The following TMEM177 variants were observed in gnomAD, a reference collection of about 807,000 sequenced individuals.
The protein encoded by TMEM177 is transmembrane protein 177.
In TMEM177, 4 loss-of-function variants were observed where a neutral mutation model predicts 14.2. The ratio of observed to expected loss-of-function variants is 0.28; its 90% confidence interval spans 0.14 to 0.64. The LOEUF is 0.64. Among genes scored for constraint, TMEM177 ranks in the 30% least tolerant of loss-of-function variants. The probability of loss-of-function intolerance (pLI) is 0.82; values close to 1 mark genes in which losing one functional copy is unlikely to be tolerated. For missense variants in TMEM177, 344 were observed against 405.2 expected, an observed-to-expected ratio of 0.85 and a Z score of 1.30; for synonymous variants, 179 against 174.5, an observed-to-expected ratio of 1.03 and a Z score of -0.20.
chr2:119,694,685 A>G, the TMEM177 span, among the ~76,000 whole-genome samples: 1 of 152,252 alleles, frequency 6.6e-6, no homozygotes. Flanking sequence ...AGCATTTGAG[A>G]GCCAAGGTGC....
At chr2:119,694,906 GCTCA>G in the TMEM177 span, among the ~76,000 whole-genome samples, 1 of 152,160 alleles carries the variant, frequency 6.6e-6, no homozygotes, top group East Asian at 1.9e-4. Context: ...CACCACAAGG[GCTCA>G]CTCACTCTAT....
chr2:119,711,018 C>A, the TMEM177 span, among the ~76,000 whole-genome samples: 7 of 152,154 alleles, frequency 4.6e-5, no homozygotes, highest in African/African-American at 1.7e-4. Context: ...CCATTGCACT[C>A]CCTCCTCTTC....
chr2:119,681,887 C>T lies in TMEM177; in HGVS notation c.*98C>T, dbSNP rs570109791. On this transcript the variant is annotated 3_prime_UTR_variant, in exon 2 of 2. Transcript: ENST00000272521. ...AGCCTTTGGACCTATAGCTCACGGC[C>T]AGAAAAATCACTGGCTTTGGAATTA... 42 of 1,077,714 alleles carry T rather than the reference C, an allele frequency of 3.9e-5. No homozygotes were observed. In the African/African-American group the frequency reaches 6.2e-4, roughly 16 times the overall value. The allele number at this position is 1,077,714 out of a possible 1,614,324, so 66.8% of individuals were successfully genotyped here.
In TMEM177 at chr2:119,681,385, G is replaced by A. The variant is rs934510616; in HGVS notation, c.532G>A (p.Ala178Thr). The A allele has an allele frequency of 1.2e-6, 2 of 1,613,422 alleles. No homozygotes were observed. The highest frequency in any genetic ancestry group is 1.3e-5 in the African/African-American group (1 of 74,948). The change falls in exon 2 of 2, where the codon GCA becomes ACA. Residue 178 changes from alanine to threonine, a missense_variant. Transcript: ENST00000272521. The part of the protein sequence containing the change: ...VHALLAPACL[A>T]GTWALGVGAK... ...CGCCCTGCTGGCCCCAGCTTGCCTG[G>A]CAGGGACCTGGGCACTGGGCGTGGG...
chr2:119,681,053 A>C lies in TMEM177; in HGVS notation c.200A>C (p.Glu67Ala), dbSNP rs1270620872. ...LPPQLQSLFQ[E>A]VLQDIGVPSG... ...CCACAGCTGCAGAGCCTCTTCCAAG[A>C]GGTGCTACAGGACATAGGTGTTCCT... Residue 67 changes from glutamate to alanine, a missense_variant, in exon 2 of 2, where the codon GAG (glutamate) becomes GCG (alanine). Transcript: ENST00000272521. 6.2e-7 allele frequency: 1 copy of C among 1,614,174 alleles called. No homozygotes were observed. The highest frequency in any genetic ancestry group is 8.5e-7 in the Non-Finnish European group (1 of 1,180,032).
the TMEM177 span, among the ~76,000 whole-genome samples, chr2:119,709,352 A>G: frequency 2.0e-5 from 3 of 152,172 alleles, no homozygotes; most frequent in Non-Finnish European, 2.9e-5. Flanking sequence ...TTGAATTTTC[A>G]AGAAATATTT....
At chr2:119,701,858 T>G in the TMEM177 span, among the ~76,000 whole-genome samples, 1 of 152,130 alleles carries the variant, frequency 6.6e-6, no homozygotes, top group Non-Finnish European at 1.5e-5. Context: ...TCAGAGAGGA[T>G]CAAAGTGAGC....
At chr2:119,697,077 C>T in the TMEM177 span, among the ~76,000 whole-genome samples, 261 of 152,288 alleles carry the variant, frequency 1.7e-3, no homozygotes, top group Admixed American at 3.2e-3. Flanking sequence ...GCTGACAGTT[C>T]CAGCACACCT....
At chr2:119,683,112 C>T (rs1688944251), downstream of TMEM177, among the ~76,000 whole-genome samples, 1 of 152,190 alleles carries the variant, frequency 6.6e-6, no homozygotes, top group Non-Finnish European at 1.5e-5. Context: ...TGGCAGTAGA[C>T]CTGGAGAGGA....
chr2:119,686,369 C>T (rs538402929), downstream of TMEM177: 19 of 152,306 alleles, frequency 1.2e-4, no homozygotes, highest in African/African-American at 4.1e-4. Context: ...CCAGAGAACT[C>T]GCTGCTGCCT....
At chr2:119,702,896 T>C in the TMEM177 span, among the ~76,000 whole-genome samples, 1 of 152,244 alleles carries the variant, frequency 6.6e-6, no homozygotes, top group Admixed American at 6.5e-5. Context: ...CAAAGCCCTG[T>C]GGGAACTTCT....
At chr2:119,713,510 G>T in the TMEM177 span, among the ~76,000 whole-genome samples, 1 of 152,118 alleles carries the variant, frequency 6.6e-6, no homozygotes, top group Non-Finnish European at 1.5e-5. Context: ...TATTCCCCAT[G>T]AGTTTTTATA....
At position 119,681,844 on chromosome 2, in the gene TMEM177, T is replaced by A. The variant is rs367716592; in HGVS notation, c.*55T>A. The A allele has an allele frequency of 1.9e-5, 29 of 1,543,938 alleles. No individual in the cohort carries two copies. The African/African-American group carries it at 3.8e-4, about 20-fold the overall frequency. On this transcript the variant is annotated 3_prime_UTR_variant, in exon 2 of 2. Transcript: ENST00000272521. Reference sequence around the variant, plus strand: ...GTGCAGACACCACCCTGCCATTGAGTCTGGAGGGCCCTGTTGGAGCCTTTG... The same window carrying A: ...GTGCAGACACCACCCTGCCATTGAGACTGGAGGGCCCTGTTGGAGCCTTTG...
downstream of TMEM177, among the ~76,000 whole-genome samples, chr2:119,686,819 C>T (rs1689022692): frequency 6.6e-6 from 1 of 152,102 alleles, no homozygotes; most frequent in Non-Finnish European, 1.5e-5. Context: ...CCACACACCT[C>T]AGCCTCCCAA....
chr2:119,721,656 C>T, the TMEM177 span, among the ~76,000 whole-genome samples: 7 of 152,244 alleles, frequency 4.6e-5, no homozygotes, highest in East Asian at 3.9e-4. Context: ...TCTCCACTAA[C>T]GCCGGGTATT....
At chr2:119,718,839 C>G in the TMEM177 span, among the ~76,000 whole-genome samples, 1 of 152,186 alleles carries the variant, frequency 6.6e-6, no homozygotes, top group Admixed American at 6.5e-5. Flanking sequence ...CAAACCCAGT[C>G]TCCCCACCTT....
At chr2:119,719,904 C>T in the TMEM177 span, among the ~76,000 whole-genome samples, 1 of 152,026 alleles carries the variant, frequency 6.6e-6, no homozygotes, top group African/African-American at 2.4e-5. Context: ...AGAAATCTTC[C>T]CACCTTGGCC....
At chr2:119,684,266 C>A (rs577578069), downstream of TMEM177, among the ~76,000 whole-genome samples, 2 of 152,156 alleles carry the variant, frequency 1.3e-5, no homozygotes, top group South Asian at 2.1e-4. Flanking sequence ...ACAGCCTGCC[C>A]GGTGCTCAGT....
the TMEM177 span, among the ~76,000 whole-genome samples, chr2:119,697,263 G>C: frequency 2.6e-4 from 39 of 152,342 alleles, no homozygotes; most frequent in African/African-American, 6.7e-4. Flanking sequence ...CAGCTCTGTA[G>C]AAGTACAGGC....
Sources: gnomAD v4.1 joint callset for allele counts (sites outside exome capture counted in the v4.1 genomes callset) on GRCh38, gnomAD v4.1.1 for gene constraint, MANE v1.5 for transcripts, NCBI Gene and HGNC (gene_info 2026-07-23, HGNC 2026-07-21) for gene names.